TMEM132C: variants seen among roughly 807,000 people sequenced by gnomAD.
The protein encoded by TMEM132C is transmembrane protein 132C, also known as protein phosphatase 1, regulatory subunit 152.
A neutral mutation model predicts 61.4 loss-of-function variants in TMEM132C; 29 were observed. The ratio of observed to expected loss-of-function variants is 0.47; its 90% CI spans 0.35 to 0.64. The LOEUF (loss-of-function observed/expected upper bound fraction) is 0.64, where lower values mean the gene tolerates loss of function less well. Among genes scored for constraint, TMEM132C ranks in the 30% least tolerant of loss-of-function variants. The probability of loss-of-function intolerance (pLI) is 0.00; values close to 1 mark genes in which losing one functional copy is unlikely to be tolerated. For synonymous variants in TMEM132C, 656 were observed against 633.1 expected (o/e 1.04, Z -0.54); for missense variants, 1,408 against 1,476.9 (o/e 0.95, Z 0.76).
intron 2 of TMEM132C, among the ~76,000 whole-genome samples, chr12:128,480,648 A>AGCTTCCCGAGCTTCCC (rs1278609788): frequency 5.3e-5 from 8 of 151,852 alleles, no homozygotes; most frequent in Non-Finnish European, 1.2e-4. Context: ...GTCAGAGCTG[A>AGCTTCCCGAGCTTCCC]ATTTTGGGAA....
chr12:128,378,324 G>A (rs1279761822), intron 1 of TMEM132C, among the ~76,000 whole-genome samples: 1 of 152,014 alleles, frequency 6.6e-6, no homozygotes, highest in Non-Finnish European at 1.5e-5. Context: ...GACCATGTTA[G>A]CCAGGATGGT....
chr12:128,448,937 A>G (rs376078024), intron 2 of TMEM132C, among the ~76,000 whole-genome samples: 9 of 152,090 alleles, frequency 5.9e-5, no homozygotes, highest in African/African-American at 1.9e-4. Context: ...GGAGATCGAG[A>G]CCATCCTGGC....
chr12:128,660,695 C>T (rs555473724), intron 4 of TMEM132C, among the ~76,000 whole-genome samples: 12 of 152,304 alleles, frequency 7.9e-5, no homozygotes, highest in Admixed American at 3.3e-4. Context: ...CATGTGCCCA[C>T]GACCTTGGCA....
intron 2 of TMEM132C, among the ~76,000 whole-genome samples, chr12:128,534,805 C>T (rs1370690471): frequency 3.3e-5 from 5 of 152,346 alleles, no homozygotes; most frequent in Middle Eastern, 3.4e-3. Flanking sequence ...TAAACCTATG[C>T]ATTTCTCCCA....
At chr12:128,287,438 T>A (rs972635825) in intron 1 of TMEM132C, among the ~76,000 whole-genome samples, 3 of 152,218 alleles carry the variant, frequency 2.0e-5, no homozygotes, top group Non-Finnish European at 4.4e-5. Context: ...AGTATTTTTC[T>A]TAATAGCTTT....
chr12:128,404,021 G>C (rs888293357), intron 1 of TMEM132C, among the ~76,000 whole-genome samples: 4 of 152,092 alleles, frequency 2.6e-5, no homozygotes, highest in Non-Finnish European at 5.9e-5. Flanking sequence ...ACCATCCCTG[G>C]CTCCTACCGA....
intron 1 of TMEM132C, among the ~76,000 whole-genome samples, chr12:128,414,203 A>T (rs67406511): frequency 0.038 from 5,741 of 152,250 alleles, 169 homozygotes; most frequent in Non-Finnish European, 0.052. Flanking sequence ...ACTGGGCAAA[A>T]TAGTGAGACC....
chr12:128,565,694 A>T (rs1874669825), intron 3 of TMEM132C, among the ~76,000 whole-genome samples: 1 of 152,134 alleles, frequency 6.6e-6, no homozygotes, highest in Admixed American at 6.5e-5. Flanking sequence ...AAAGTAACTC[A>T]TCCAAAACCA....
At chr12:128,302,510 A>G (rs867949867) in intron 1 of TMEM132C, among the ~76,000 whole-genome samples, 2 of 152,232 alleles carry the variant, frequency 1.3e-5, no homozygotes, top group African/African-American at 2.4e-5. Context: ...ATAGGGCACT[A>G]GCTTTGTCCA....
intron 3 of TMEM132C, among the ~76,000 whole-genome samples, chr12:128,585,109 C>T (rs1875492870): frequency 6.6e-6 from 1 of 152,242 alleles, no homozygotes; most frequent in South Asian, 2.1e-4. Flanking sequence ...ACACTTGCAG[C>T]CGTGAAACGT....
chr12:128,333,408 CTGTA>C (rs1280090257), intron 1 of TMEM132C, among the ~76,000 whole-genome samples: 3 of 150,710 alleles, frequency 2.0e-5, no homozygotes, highest in African/African-American at 7.3e-5. Context: ...ATGTAAATGC[CTGTA>C]TGGATGAGAG....
intron 2 of TMEM132C, among the ~76,000 whole-genome samples, chr12:128,487,587 G>A (rs1871543620): frequency 8.0e-6 from 1 of 125,638 alleles, no homozygotes; most frequent in African/African-American, 3.1e-5. Flanking sequence ...TGGTGTGTAT[G>A]AGTGTGTGTG....
At position 128,613,034 on chromosome 12, in the gene TMEM132C, TG is replaced by T. The variant is rs756932569; in HGVS notation, c.1122-3117del. Among the ~76,000 whole-genome samples the T allele has an allele frequency of 3.6e-4, 55 of 152,298 alleles. No homozygotes were observed. In the Middle Eastern group the frequency reaches 0.01, roughly 28 times the overall value. On this transcript the variant is annotated intron_variant, in intron 3 of 8. Transcript: ENST00000435159. ...AGTGGTTGCAATGCTCACAGAACTT[TG>T]TAAGAGAGTGAAGAGAAGTGCAGGC...
chr12:128,295,453 G>A (rs1364227110), intron 1 of TMEM132C, among the ~76,000 whole-genome samples: 2 of 141,276 alleles, frequency 1.4e-5, no homozygotes, highest in African/African-American at 5.3e-5. Flanking sequence ...TTTTACAGAT[G>A]AGAAAACTGA....
intron 1 of TMEM132C, among the ~76,000 whole-genome samples, chr12:128,286,413 G>T (rs1871075862): frequency 6.6e-6 from 1 of 152,188 alleles, no homozygotes; most frequent in Non-Finnish European, 1.5e-5. Flanking sequence ...TGCTCAGTTT[G>T]TGAGGCCAGG....
chr12:128,445,521 G>A (rs1869948760), intron 2 of TMEM132C, among the ~76,000 whole-genome samples: 1 of 152,152 alleles, frequency 6.6e-6, no homozygotes, highest in South Asian at 2.1e-4. Flanking sequence ...GGGTGTCCGT[G>A]TGTCCAGCCA....
At chr12:128,335,987 AAATTAGACC>A (rs1565904720) in intron 1 of TMEM132C, among the ~76,000 whole-genome samples, 3 of 152,240 alleles carry the variant, frequency 2.0e-5, no homozygotes, top group Admixed American at 6.5e-5. Flanking sequence ...CCAGCTCATT[AAATTAGACC>A]AATGGAAAGA....
intron 4 of TMEM132C, among the ~76,000 whole-genome samples, chr12:128,637,679 G>A (rs757694868): frequency 3.9e-5 from 6 of 152,178 alleles, no homozygotes; most frequent in East Asian, 1.9e-4. Flanking sequence ...ACTGGATACC[G>A]TCTCATTTTT....
chr12:128,304,528 G>A (rs185039675), intron 1 of TMEM132C, among the ~76,000 whole-genome samples: 2 of 152,020 alleles, frequency 1.3e-5, no homozygotes, highest in African/African-American at 4.8e-5. Flanking sequence ...AGAATCGCTC[G>A]AACCCAGGAG....
Sources: allele counts gnomAD v4.1 joint callset (sites outside exome capture counted in the v4.1 genomes callset), GRCh38; gene constraint gnomAD v4.1.1; transcripts MANE v1.5; gene names NCBI Gene and HGNC (gene_info 2026-07-23, HGNC 2026-07-21).